CRISPLD2: variants seen among roughly 807,000 people sequenced by gnomAD.
CRISPLD2 encodes cysteine rich secretory protein LCCL domain containing 2.
CRISPLD2 carries 47 observed loss-of-function variants against 71.1 expected under a neutral mutation model. That is an observed-to-expected ratio of 0.66 (90% confidence interval 0.52 to 0.84). The LOEUF is 0.84. CRISPLD2 is among the 40% of genes least tolerant of loss of function. The pLI, the probability that CRISPLD2 is intolerant of heterozygous loss-of-function variation, is 0.00. For missense variants in CRISPLD2, 830 were observed against 651.1 expected, an observed-to-expected ratio of 1.27 and a Z score of -2.99; for synonymous variants, 317 against 250.1, an observed-to-expected ratio of 1.27 and a Z score of -2.52.
intron 14 of CRISPLD2, among the ~76,000 whole-genome samples, chr16:84,906,143 C>G (rs972249245): frequency 6.6e-6 from 1 of 152,024 alleles, no homozygotes; most frequent in East Asian, 1.9e-4. Context: ...CCCCTGTGAA[C>G]GAGCGATAAC....
chr16:84,864,357 C>T (rs1917478337), intron 6 of CRISPLD2, among the ~76,000 whole-genome samples: 1 of 152,188 alleles, frequency 6.6e-6, no homozygotes, highest in Admixed American at 6.5e-5. Context: ...TCCTCAAATG[C>T]TTTAGACCGC....
intron 14 of CRISPLD2, among the ~76,000 whole-genome samples, chr16:84,905,674 AG>A (rs2071795363): frequency 1.5e-4 from 1 of 6,896 alleles, no homozygotes; most frequent in Non-Finnish European, 2.2e-4. Context: ...TCCAGGTGTG[AG>A]GTGTGAGCCA....
intron 4 of CRISPLD2, 59 bp from the exon 5 acceptor site, chr16:84,850,509 G>C: frequency 7.0e-7 from 1 of 1,426,554 alleles, no homozygotes. Flanking sequence ...CAGGCCAAAT[G>C]ATATCACCCT....
intron 14 of CRISPLD2, among the ~76,000 whole-genome samples, chr16:84,903,594 A>G (rs569282704): frequency 7.2e-6 from 1 of 139,736 alleles, no homozygotes; most frequent in Non-Finnish European, 1.5e-5. Context: ...TCTGTCTTAA[A>G]ATTTAAAAAA....
chr16:84,824,701 G>A (rs540951030), intron 1 of CRISPLD2, among the ~76,000 whole-genome samples: 6 of 152,332 alleles, frequency 3.9e-5, no homozygotes, highest in East Asian at 1.9e-4. Context: ...CACTCCTGCC[G>A]TCTGTTCACG....
At chr16:84,865,877 C>T (rs993164837) in intron 6 of CRISPLD2, among the ~76,000 whole-genome samples, 1 of 152,152 alleles carries the variant, frequency 6.6e-6, no homozygotes, top group Non-Finnish European at 1.5e-5. Flanking sequence ...TGTTTTAAAA[C>T]ATGGGTCATG....
At chr16:84,846,997 A>G (rs1916932714) in intron 3 of CRISPLD2, among the ~76,000 whole-genome samples, 2 of 152,244 alleles carry the variant, frequency 1.3e-5, no homozygotes, top group South Asian at 4.1e-4. Flanking sequence ...CACGCCCAGG[A>G]TAACAACTAA....
intron 9 of CRISPLD2, among the ~76,000 whole-genome samples, 157 bp from the exon 10 acceptor site, chr16:84,872,835 T>C (rs977930822): frequency 3.3e-5 from 5 of 152,170 alleles, no homozygotes; most frequent in African/African-American, 7.2e-5. Flanking sequence ...GGAACAAATA[T>C]GTGGTTACAG....
chr16:84,884,386 A>G (rs16974822), intron 13 of CRISPLD2, among the ~76,000 whole-genome samples: 32,468 of 152,112 alleles, frequency 0.21, 3,540 homozygotes, highest in Admixed American at 0.27. Context: ...AAATGCATAG[A>G]ACAAAGACAT....
chr16:84,854,447 G>T (rs1302572205), intron 5 of CRISPLD2, among the ~76,000 whole-genome samples: 1 of 152,172 alleles, frequency 6.6e-6, no homozygotes, highest in Non-Finnish European at 1.5e-5. Context: ...GTTGGTGGAA[G>T]GGGGGCCACG....
intron 9 of CRISPLD2, among the ~76,000 whole-genome samples, chr16:84,872,716 G>A (rs772393787): frequency 2.0e-5 from 3 of 152,176 alleles, no homozygotes; most frequent in Admixed American, 6.5e-5. Flanking sequence ...GCCAGTCTCC[G>A]TCTTAGACTG....
At chr16:84,854,092 A>T (rs1917165323) in intron 5 of CRISPLD2, among the ~76,000 whole-genome samples, 1 of 152,192 alleles carries the variant, frequency 6.6e-6, no homozygotes, top group Non-Finnish European at 1.5e-5. Context: ...CCTAGAGTAG[A>T]GTGTGCCTAA....
chr16:84,827,300 G>A (rs922505902), intron 1 of CRISPLD2, among the ~76,000 whole-genome samples: 6 of 152,138 alleles, frequency 3.9e-5, no homozygotes. Flanking sequence ...GTTGTGTGTT[G>A]CAAGGCTTTT....
chr16:84,846,723 A>T (rs1490285233), intron 3 of CRISPLD2, among the ~76,000 whole-genome samples: 5 of 152,116 alleles, frequency 3.3e-5, no homozygotes, highest in Non-Finnish European at 2.9e-5. Context: ...TCCCCGCGTC[A>T]TCCAGCCGTC....
At chr16:84,887,511 G>C (rs888353087) in intron 13 of CRISPLD2, among the ~76,000 whole-genome samples, 1 of 152,244 alleles carries the variant, frequency 6.6e-6, no homozygotes, top group African/African-American at 2.4e-5. Context: ...GATCAGGCGA[G>C]TCCGTGAGCC....
intron 2 of CRISPLD2, chr16:84,842,290 C>T (rs1916792615): frequency 6.8e-6 from 1 of 147,782 alleles, no homozygotes; most frequent in Non-Finnish European, 1.5e-5. Flanking sequence ...CTCCCTCCCT[C>T]CCTCCCCGCC....
intron 2 of CRISPLD2, among the ~76,000 whole-genome samples, chr16:84,840,963 G>A (rs778484435): frequency 2.0e-5 from 3 of 152,148 alleles, no homozygotes; most frequent in African/African-American, 4.8e-5. Context: ...CCAGCACCCC[G>A]TGAGATTCTT....
In CRISPLD2 at chr16:84,838,694, C is replaced by T. The variant is rs1485224519; in HGVS notation, c.199C>T (p.Arg67Trp). 4.3e-6 allele frequency: 7 copies of T among 1,613,958 alleles called. No homozygotes were observed. The highest frequency in any genetic ancestry group is 2.2e-5 in the South Asian group (2 of 91,090). Residue 67 changes from arginine to tryptophan, a missense_variant, in exon 2 of 15, where the codon CGG (arginine) becomes TGG (tryptophan). Physicochemically the swap from Arg to Trp is moderately radical, Grantham distance 101. Transcript: ENST00000262424. Reference protein sequence around the residue: ...EEILMLHNKLRGQVQPQASNM... With the variant: ...EEILMLHNKLWGQVQPQASNM... ...GATCCTCATGCTGCACAACAAGCTT[C>T]GGGGCCAGGTGCAGCCTCAGGCCTC...
At chr16:84,889,980 C>T (rs2071647290) in intron 14 of CRISPLD2, among the ~76,000 whole-genome samples, 1 of 152,148 alleles carries the variant, frequency 6.6e-6, no homozygotes, top group Non-Finnish European at 1.5e-5. Flanking sequence ...TCAGTTTTCT[C>T]ATCTGTGAAA....
Sources: allele counts gnomAD v4.1 joint callset (sites outside exome capture counted in the v4.1 genomes callset), GRCh38; gene constraint gnomAD v4.1.1; transcripts MANE v1.5; gene names NCBI Gene and HGNC (gene_info 2026-07-23, HGNC 2026-07-21).